LRP1B: variants seen among roughly 807,000 people sequenced by gnomAD.
The protein encoded by LRP1B is low-density lipoprotein receptor-related protein 1B.
LRP1B carries 217 observed loss-of-function variants against 556.6 expected under a neutral mutation model. The ratio of observed to expected loss-of-function variants is 0.39; its 90% CI spans 0.35 to 0.44. LRP1B has a LOEUF of 0.44. Ranked by LOEUF, LRP1B falls within the 20% of genes least tolerant of loss-of-function variation. LRP1B has a pLI of 1.00. For missense variants in LRP1B, 5,053 were observed against 5,620.8 expected (o/e 0.90, Z 3.23); for synonymous variants, 2,047 against 1,865.8 (o/e 1.10, Z -2.50).
chr2:140,867,844 G>T lies in LRP1B; in HGVS notation c.4335-10C>A, dbSNP rs772543858. 3 of 1,510,412 alleles carry T rather than the reference G, an allele frequency of 2.0e-6. No individual in the cohort carries two copies. Among genetic ancestry groups the T allele is most frequent in the Non-Finnish European group, 2.7e-6 (3 of 1,129,562 alleles). The allele number at this position is 1,510,412 out of a possible 1,614,324, so 93.6% of individuals were successfully genotyped here. On this transcript the variant is annotated splice_polypyrimidine_tract_variant and intron_variant, in intron 26 of 90. Coordinates refer to ENST00000389484, the MANE Select transcript of LRP1B (RefSeq NM_018557.3). ...ATAAATAGCATCTGACCTACAGAAA[G>T]ATAAATACATGAGTAGTTTGTCAAA...
intron 20 of LRP1B, among the ~76,000 whole-genome samples, chr2:140,941,972 G>C (rs1297878359): frequency 6.6e-6 from 1 of 152,066 alleles, no homozygotes; most frequent in Admixed American, 6.6e-5. Context: ...GACAGACATA[G>C]AATTCAGAAA....
At chr2:141,921,757 C>T (rs1489460681) in intron 1 of LRP1B, among the ~76,000 whole-genome samples, 1 of 151,886 alleles carries the variant, frequency 6.6e-6, no homozygotes, top group East Asian at 1.9e-4. Flanking sequence ...TTCTTTAAAA[C>T]ATTATATAAT....
chr2:141,560,408 A>G (rs1443019643), intron 2 of LRP1B, among the ~76,000 whole-genome samples: 1 of 151,724 alleles, frequency 6.6e-6, no homozygotes, highest in Admixed American at 6.6e-5. Context: ...CTAGGCTTGT[A>G]GGTTTTTTAC....
At chr2:140,335,461 AT>A (rs1277699982) in intron 78 of LRP1B, among the ~76,000 whole-genome samples, 153 bp downstream of exon 78, 1 of 152,010 alleles carries the variant, frequency 6.6e-6, no homozygotes, top group Non-Finnish European at 1.5e-5. Flanking sequence ...TGAATAGGAC[AT>A]GCTTTTTTAC....
At chr2:140,748,126 T>A (rs1162791380) in intron 35 of LRP1B, among the ~76,000 whole-genome samples, 3 of 65,094 alleles carry the variant, frequency 4.6e-5, no homozygotes, top group South Asian at 6.0e-4. Context: ...TATATATATA[T>A]ATATATATAT....
At chr2:141,999,872 A>G (rs1262537067) in intron 1 of LRP1B, among the ~76,000 whole-genome samples, 2 of 151,736 alleles carry the variant, frequency 1.3e-5, no homozygotes, top group Admixed American at 6.6e-5. Context: ...CAATGATACA[A>G]ACTCCCTAAT....
At chr2:140,573,504 A>C (rs1321664464) in intron 43 of LRP1B, among the ~76,000 whole-genome samples, 1 of 151,956 alleles carries the variant, frequency 6.6e-6, no homozygotes, top group Non-Finnish European at 1.5e-5. Context: ...TGTAAATGGA[A>C]GGAAATTATC....
intron 2 of LRP1B, among the ~76,000 whole-genome samples, chr2:141,628,352 T>G: frequency 6.6e-6 from 1 of 152,172 alleles, no homozygotes; most frequent in South Asian, 2.1e-4. Context: ...AGTAGTCTTC[T>G]TTTCCTAAGT....
chr2:141,179,280 T>A (rs564355359), intron 7 of LRP1B, among the ~76,000 whole-genome samples: 1 of 152,150 alleles, frequency 6.6e-6, no homozygotes, highest in African/African-American at 2.4e-5. Context: ...GTGTTGAAAT[T>A]AGATTCCCAA....
chr2:141,230,637 C>T (rs1192403598), intron 5 of LRP1B, among the ~76,000 whole-genome samples: 1 of 152,208 alleles, frequency 6.6e-6, no homozygotes, highest in Non-Finnish European at 1.5e-5. Context: ...TACTCTTACT[C>T]TTGTTCGTCT....
intron 66 of LRP1B, among the ~76,000 whole-genome samples, chr2:140,427,090 G>A (rs985609253): frequency 2.0e-5 from 3 of 152,106 alleles, no homozygotes; most frequent in African/African-American, 7.2e-5. Flanking sequence ...AGACAAAGGA[G>A]ACACATTTTA....
chr2:141,323,282 A>C (rs1687309762), intron 3 of LRP1B, among the ~76,000 whole-genome samples: 1 of 152,142 alleles, frequency 6.6e-6, no homozygotes, highest in Non-Finnish European at 1.5e-5. Context: ...AAACAAAAAT[A>C]GACAATAAAA....
At chr2:140,288,537 A>T (rs1220940556) in intron 84 of LRP1B, among the ~76,000 whole-genome samples, 1 of 151,856 alleles carries the variant, frequency 6.6e-6, no homozygotes, top group Non-Finnish European at 1.5e-5. Flanking sequence ...TTAACTAGCA[A>T]CAATTTGATT....
chr2:140,297,769 A>T (rs2105000166), intron 84 of LRP1B, 39 bp downstream of exon 84: 1 of 1,552,454 alleles, frequency 6.4e-7, no homozygotes, highest in African/African-American at 1.4e-5. Flanking sequence ...AGATTAACAT[A>T]AACATCAAAG....
intron 2 of LRP1B, among the ~76,000 whole-genome samples, chr2:141,523,870 C>A (rs1684607186): frequency 6.6e-6 from 1 of 152,166 alleles, no homozygotes; most frequent in Non-Finnish European, 1.5e-5. Context: ...AAATTTAGCA[C>A]ATGCTAATTG....
intron 1 of LRP1B, among the ~76,000 whole-genome samples, chr2:141,953,427 C>A (rs1437086572): frequency 6.6e-6 from 1 of 151,990 alleles, no homozygotes; most frequent in Admixed American, 6.6e-5. Context: ...CTGTAAAGCT[C>A]TGGAAAAAGC....
chr2:140,862,473 T>A (rs1230672540), intron 27 of LRP1B, among the ~76,000 whole-genome samples: 3 of 152,218 alleles, frequency 2.0e-5, no homozygotes, highest in Non-Finnish European at 2.9e-5. Context: ...TATTATTATT[T>A]GGCCTTTCAC....
chr2:141,919,699 A>T (rs192513637), intron 1 of LRP1B, among the ~76,000 whole-genome samples: 174 of 152,100 alleles, frequency 1.1e-3, no homozygotes, highest in African/African-American at 4.1e-3. Flanking sequence ...ATGGCTACGC[A>T]TTTATTTTAG....
In LRP1B at chr2:140,850,129, T is replaced by C. The variant is rs1692412547; in HGVS notation, c.4912A>G (p.Thr1638Ala). 6.2e-7 allele frequency: 1 copy of C among 1,611,980 alleles called. No homozygotes were observed. The highest frequency in any genetic ancestry group is 8.5e-7 in the Non-Finnish European group (1 of 1,178,272). The change falls in exon 29 of 91, where the codon ACT becomes GCT. Residue 1638 changes from threonine to alanine, a missense_variant. Physicochemically the swap from Thr to Ala is moderately conservative, Grantham distance 58. This residue lies in a region of LRP1B where 3,619 missense variants were observed against 3,931.9 expected (regional missense o/e 0.92). Coordinates refer to ENST00000389484, the MANE Select transcript of LRP1B (RefSeq NM_018557.3). ...QTIKRAFING[T>A]GLETVISRDI... ...CTTGAAATAACAGTTTCTAACCCAG[T>C]TCCGTTAATAAAAGCTCGTTTAATG...
Sources: gnomAD v4.1 joint callset for allele counts (sites outside exome capture counted in the v4.1 genomes callset) on GRCh38, gnomAD v4.1.1 for gene constraint, gnomAD v4.1.1 regional missense constraint, MANE v1.5 for transcripts, NCBI Gene and HGNC (gene_info 2026-07-23, HGNC 2026-07-21) for gene names.